Variants in TNR observed in about 807,000 individuals in gnomAD.
TNR encodes tenascin R, also known as tenascin-R.
TNR carries 45 observed loss-of-function variants against 150.4 expected under a neutral mutation model. The ratio of observed to expected loss-of-function variants is 0.30; its 90% CI spans 0.24 to 0.38. The LOEUF is 0.38. Ranked by LOEUF, TNR falls within the 10% of genes least tolerant of loss-of-function variation. The pLI is 1.00. For missense variants in TNR, 1,544 were observed against 1,759.1 expected (o/e 0.88, Z 2.19); for synonymous variants, 687 against 678.4 (o/e 1.01, Z -0.20).
chr1:175,344,781 A>G lies in TNR; in HGVS notation c.3383-7102T>C, dbSNP rs528902457. ...TGTGAATTCTACCAAGAATTTAAAG[A>G]ATAAAAATCATCAATTTTATATACT... On this transcript the variant is annotated intron_variant, in intron 18 of 22. Transcript: ENST00000367674. 1.6e-3 allele frequency among the ~76,000 whole-genome samples: 239 copies of G among 152,362 alleles called. 2 individuals carry two copies. Among genetic ancestry groups the G allele is most frequent in the Non-Finnish European group, 7.8e-4 (53 of 68,030 alleles).
chr1:175,340,263 T>G (rs758181983), intron 18 of TNR, among the ~76,000 whole-genome samples: 3 of 152,202 alleles, frequency 2.0e-5, no homozygotes, highest in Non-Finnish European at 4.4e-5. Flanking sequence ...GAGGCAATGA[T>G]GCATCGTTGC....
intron 1 of TNR, among the ~76,000 whole-genome samples, chr1:175,630,775 G>C (rs959342385): frequency 1.3e-5 from 2 of 151,960 alleles, no homozygotes; most frequent in East Asian, 3.9e-4. Context: ...ATTTACTTGT[G>C]CTCCTAAAAC....
At chr1:175,452,640 G>A (rs1656378741) in intron 2 of TNR, among the ~76,000 whole-genome samples, 1 of 152,248 alleles carries the variant, frequency 6.6e-6, no homozygotes, top group African/African-American at 2.4e-5. Context: ...GCTGGGACCT[G>A]TGGGGCCTAG....
intron 1 of TNR, among the ~76,000 whole-genome samples, chr1:175,671,344 G>A (rs1306572014): frequency 6.6e-6 from 1 of 152,258 alleles, no homozygotes; most frequent in East Asian, 1.9e-4. Context: ...ACACTGTGCA[G>A]CCAGGCAGAC....
intron 4 of TNR, among the ~76,000 whole-genome samples, chr1:175,398,110 G>A (rs74393917): frequency 6.6e-6 from 1 of 152,166 alleles, no homozygotes; most frequent in Non-Finnish European, 1.5e-5. Flanking sequence ...GACCTTGTGA[G>A]TGGAGAGTGC....
rs577585050 is a variant in TNR, at chr1:175,475,222, A to G, written c.-64+53047T>C. Among the ~76,000 whole-genome samples the G allele has an allele frequency of 6.6e-5, 10 of 152,194 alleles. No homozygotes were observed. In the South Asian group the frequency reaches 1.7e-3, roughly 25 times the overall value. ...CATCAACTCATGTAGACTCTTCTCC[A>G]TATCTTTCATCTGGTCTCCTTGCTC... On this transcript the variant is annotated intron_variant, in intron 2 of 22. Coordinates refer to ENST00000367674, the MANE Select transcript of TNR (RefSeq NM_003285.3).
At chr1:175,646,290 T>C (rs1478884519) in intron 1 of TNR, among the ~76,000 whole-genome samples, 3 of 152,192 alleles carry the variant, frequency 2.0e-5, no homozygotes, top group Non-Finnish European at 4.4e-5. Flanking sequence ...TTTGACTGCA[T>C]TGACTGGGTC....
At chr1:175,361,063 A>AT (rs953033125) in intron 14 of TNR, among the ~76,000 whole-genome samples, 43 of 151,672 alleles carry the variant, frequency 2.8e-4, no homozygotes, top group African/African-American at 7.5e-4. Flanking sequence ...TGACCCAAGG[A>AT]TTTTTTTTTC....
intron 18 of TNR, among the ~76,000 whole-genome samples, chr1:175,340,897 C>G (rs71645243): frequency 0.048 from 7,283 of 152,236 alleles, 250 homozygotes; most frequent in Middle Eastern, 0.19. Flanking sequence ...TCCCTCTCCC[C>G]CTCTTTCCCT....
At chr1:175,377,556 A>T (rs1355027977) in intron 9 of TNR, among the ~76,000 whole-genome samples, 1 of 147,188 alleles carries the variant, frequency 6.8e-6, no homozygotes, top group Admixed American at 6.9e-5. Context: ...TTCTCTGCTT[A>T]ATTCACCCCC....
At chr1:175,714,306 C>T (rs1667095362) in intron 1 of TNR, among the ~76,000 whole-genome samples, 1 of 152,076 alleles carries the variant, frequency 6.6e-6, no homozygotes, top group African/African-American at 2.4e-5. Context: ...TGACGGAAAG[C>T]CCATTGTTGC....
chr1:175,323,602 G>A, intron 22 of TNR, 126 bp from the exon 23 acceptor site: 2 of 1,350,512 alleles, frequency 1.5e-6, no homozygotes, highest in Non-Finnish European at 2.0e-6. Context: ...CTAACATGAA[G>A]CTTCAAGGCC....
intron 1 of TNR, among the ~76,000 whole-genome samples, chr1:175,648,770 C>T (rs1171411305): frequency 6.6e-6 from 1 of 152,162 alleles, no homozygotes; most frequent in Non-Finnish European, 1.5e-5. Flanking sequence ...CTAGCCCTGT[C>T]CTCAGTCTGC....
At chr1:175,647,617 A>G (rs1310696006) in intron 1 of TNR, among the ~76,000 whole-genome samples, 3 of 152,146 alleles carry the variant, frequency 2.0e-5, no homozygotes, top group Middle Eastern at 3.2e-3. Context: ...TGAAATGCCA[A>G]TTATGATGGT....
At chr1:175,437,853 C>T (rs925204269) in intron 2 of TNR, among the ~76,000 whole-genome samples, 4 of 152,098 alleles carry the variant, frequency 2.6e-5, no homozygotes, top group African/African-American at 9.7e-5. Context: ...CCAAATAGAC[C>T]AATAACAGGC....
intron 1 of TNR, among the ~76,000 whole-genome samples, chr1:175,693,410 C>T (rs746579651): frequency 6.6e-6 from 1 of 152,238 alleles, no homozygotes; most frequent in Non-Finnish European, 1.5e-5. Context: ...AGAAATCCTC[C>T]TCTAAGATGA....
chr1:175,606,849 A>T lies in TNR; in HGVS notation c.-164-78480T>A, dbSNP rs115059031. Among the ~76,000 whole-genome samples, 637 of 152,288 alleles carry T rather than the reference A, an allele frequency of 4.2e-3. 4 individuals are homozygous for T. Among genetic ancestry groups the T allele is most frequent in the African/African-American group, 0.015 (603 of 41,564 alleles). On this transcript the variant is annotated intron_variant, in intron 1 of 22. Transcript: ENST00000367674. ...TGGGGGAGTGTGAAAGCCCAGCAAC[A>T]TGGGGTCAAGTCTGAAGAAGCTTTG...
chr1:175,676,707 C>A (rs1665875849), intron 1 of TNR, among the ~76,000 whole-genome samples: 1 of 152,198 alleles, frequency 6.6e-6, no homozygotes, highest in Non-Finnish European at 1.5e-5. Flanking sequence ...CTTGTCTACT[C>A]CTAGTCGATA....
At chr1:175,621,551 G>A (rs981299214) in intron 1 of TNR, among the ~76,000 whole-genome samples, 1 of 152,154 alleles carries the variant, frequency 6.6e-6, no homozygotes, top group African/African-American at 2.4e-5. Context: ...ATTTCCTAAT[G>A]TATTAAATGG....
Sources: gnomAD v4.1 joint callset for allele counts (sites outside exome capture counted in the v4.1 genomes callset) on GRCh38, gnomAD v4.1.1 for gene constraint, MANE v1.5 for transcripts, NCBI Gene and HGNC (gene_info 2026-07-23, HGNC 2026-07-21) for gene names.